The following KRT86 variants were observed in gnomAD, a reference collection of about 807,000 sequenced individuals.
KRT86 encodes keratin 86, also known as keratin, type II cuticular Hb6.
A neutral mutation model predicts 41.2 loss-of-function variants in KRT86; 30 were observed. That is an observed-to-expected ratio of 0.73 (90% CI 0.54 to 0.99). KRT86 has a LOEUF of 0.99. Among genes scored for constraint, KRT86 ranks in the 50% least tolerant of loss-of-function variants. The pLI, the probability that KRT86 is intolerant of heterozygous loss-of-function variation, is 0.00. For synonymous variants in KRT86, 238 were observed against 238.1 expected, an observed-to-expected ratio of 1.00 and a Z score of 0.00; for missense variants, 561 against 571.4, an observed-to-expected ratio of 0.98 and a Z score of 0.19.
At chr12:52,306,568 G>A (rs1295579223) in intron 9 of KRT86, 1 of 556,156 alleles carries the variant, frequency 1.8e-6, no homozygotes, top group Non-Finnish European at 3.2e-6. Flanking sequence ...GGGTCAGCTT[G>A]CCTGGGTAGT....
In KRT86 at chr12:52,297,758, A is replaced by G. The variant is rs199525171; in HGVS notation, c.-4-4155A>G. Among the ~76,000 whole-genome samples, 6 of 152,242 alleles carry G rather than the reference A, an allele frequency of 3.9e-5. No individual in the cohort carries two copies. In the East Asian group the frequency reaches 1.2e-3, roughly 29 times the overall value. ...AAAGCCTCCCTAAATGGAAGAGATA[A>G]TGCAAGCTCCTTTAGAAAGTAATGA... is the stretch of plus-strand genomic sequence containing the variant. On this transcript the variant is annotated intron_variant, in intron 2 of 10. Coordinates refer to ENST00000423955, the MANE Select transcript of KRT86 (RefSeq NM_001320198.2).
intron 2 of KRT86, among the ~76,000 whole-genome samples, chr12:52,280,370 A>T (rs886190494): frequency 2.6e-5 from 4 of 152,194 alleles, no homozygotes; most frequent in African/African-American, 9.7e-5. Flanking sequence ...ACCCAAGAGA[A>T]GCTTCTGTAC....
At chr12:52,292,114 T>C (rs1400783025) in intron 2 of KRT86, among the ~76,000 whole-genome samples, 1 of 152,210 alleles carries the variant, frequency 6.6e-6, no homozygotes, top group Non-Finnish European at 1.5e-5. Context: ...TCTTTTATCT[T>C]TTTTATGATG....
In KRT86 at chr12:52,288,350, T is replaced by G. The variant is rs201993882; in HGVS notation, c.-5+12404T>G. On this transcript the variant is annotated intron_variant, in intron 2 of 10. Coordinates refer to ENST00000423955, the MANE Select transcript of KRT86 (RefSeq NM_001320198.2). ...GGCTGCCAGGTTTCTGTCTGGCCCC[T>G]GAGCCCGCACCTCCTCATACAGCCG... 1,138 of 1,613,966 alleles carry G rather than the reference T, an allele frequency of 7.1e-4. 9 individuals are homozygous for G. In the African/African-American group the frequency reaches 0.014, roughly 20 times the overall value.
Position 52,305,701 on chromosome 12 carries a change from G to A in KRT86, c.939G>A (p.Glu313=). The A allele has an allele frequency of 1.2e-6, 2 of 1,614,118 alleles. No homozygotes were observed. The highest frequency in any genetic ancestry group is 1.7e-6 in the Non-Finnish European group (2 of 1,179,946). The change falls in exon 8 of 11, where the codon GAG becomes GAA. Residue 313 remains glutamate, a synonymous_variant. Transcript: ENST00000423955. ...EMKATVIRHG[E]TLRRTKEEIN... ...AGGCCACGGTGATCAGGCACGGGGA[G>A]ACCCTGCGCCGCACCAAGGAGGAGA...
At chr12:52,280,971 C>A (rs921355602) in intron 2 of KRT86, among the ~76,000 whole-genome samples, 10 of 152,328 alleles carry the variant, frequency 6.6e-5, no homozygotes, top group South Asian at 4.1e-4. Context: ...AAATACCGAA[C>A]CTGGACTTGC....
chr12:52,280,682 C>T (rs1592416142), intron 2 of KRT86, among the ~76,000 whole-genome samples: 1 of 152,208 alleles, frequency 6.6e-6, no homozygotes, highest in East Asian at 1.9e-4. Flanking sequence ...CCCCACTGGG[C>T]TCACACATCA....
intron 7 of KRT86, 59 bp downstream of exon 7, chr12:52,305,463 C>G: frequency 6.2e-7 from 1 of 1,613,216 alleles, no homozygotes; most frequent in Non-Finnish European, 8.5e-7. Context: ...TTGAGATTAT[C>G]TATTAAATAG....
chr12:52,294,755 G>A (rs1938210982), intron 2 of KRT86, among the ~76,000 whole-genome samples: 1 of 152,176 alleles, frequency 6.6e-6, no homozygotes, highest in African/African-American at 2.4e-5. Flanking sequence ...GGCCTAGGGT[G>A]ACTCCTCTCT....
chr12:52,286,474 G>A (rs774569348), intron 2 of KRT86: 25 of 1,552,240 alleles, frequency 1.6e-5, no homozygotes, highest in East Asian at 4.9e-5. Flanking sequence ...ACACGACCCC[G>A]CCCCGGGAGC....
chr12:52,305,879 A>T (rs1938502460), intron 8 of KRT86, 91 bp downstream of exon 8: 2 of 1,609,302 alleles, frequency 1.2e-6, no homozygotes, highest in Admixed American at 1.7e-5. Flanking sequence ...CTCAGCATTC[A>T]TTCTCCAGCC....
chr12:52,303,757 T>C (rs1441480534), intron 4 of KRT86, among the ~76,000 whole-genome samples: 1 of 143,664 alleles, frequency 7.0e-6, no homozygotes, highest in Admixed American at 7.1e-5. Flanking sequence ...GAGCTGGGAT[T>C]GATACCAGTG....
chr12:52,305,173 G>C (rs1938476397), intron 6 of KRT86, 67 bp from the exon 7 acceptor site: 1 of 1,612,364 alleles, frequency 6.2e-7, no homozygotes, highest in East Asian at 2.2e-5. Flanking sequence ...AGCCTGAGGA[G>C]GTGGAGTCAG....
chr12:52,295,461 C>T (rs1938227359), intron 2 of KRT86, among the ~76,000 whole-genome samples: 1 of 152,158 alleles, frequency 6.6e-6, no homozygotes, highest in Non-Finnish European at 1.5e-5. Context: ...CACCATCGGC[C>T]ATCAGTAATA....
chr12:52,291,415 G>C lies in KRT86; in HGVS notation c.-4-10498G>C, dbSNP rs763504601. 3.7e-6 allele frequency: 6 copies of C among 1,611,726 alleles called. No individual in the cohort carries two copies. In the African/African-American group the frequency reaches 5.3e-5, roughly 14 times the overall value. ...AGCAGCGGCCGGGCCGCGGCCCGCA[G>C]GCCGAGATGCAGCTGAAGGCGCGCC... On this transcript the variant is annotated intron_variant, in intron 2 of 10. Transcript: ENST00000423955.
chr12:52,306,125 C>T lies in KRT86; in HGVS notation c.1092C>T (p.Ala364=). ...EQQGEAALSD[A]RCKLAELEGA... is the part of the protein sequence containing the mutation. The stretch of plus-strand genomic sequence containing the variant: ...AGGGTGAGGCGGCCCTCAGCGATGC[C>T]CGCTGCAAGTTGGCCGAGCTGGAGG... Residue 364 remains alanine, a synonymous_variant, in exon 9 of 11, where the codon GCC becomes GCT. Coordinates refer to ENST00000423955, the MANE Select transcript of KRT86 (RefSeq NM_001320198.2). 1 of 1,614,036 alleles carries T rather than the reference C, an allele frequency of 6.2e-7. No individual in the cohort carries two copies. The highest frequency in any genetic ancestry group is 8.5e-7 in the Non-Finnish European group (1 of 1,180,048).
At chr12:52,278,713 G>T (rs1300749937) in intron 2 of KRT86, among the ~76,000 whole-genome samples, 1 of 152,110 alleles carries the variant, frequency 6.6e-6, no homozygotes, top group Non-Finnish European at 1.5e-5. Flanking sequence ...GGCATGGTCG[G>T]ATCTTATCTT....
intron 2 of KRT86, among the ~76,000 whole-genome samples, chr12:52,294,809 A>G (rs1257943755): frequency 6.6e-6 from 1 of 152,200 alleles, no homozygotes; most frequent in East Asian, 1.9e-4. Flanking sequence ...TTACAGTTTT[A>G]GAACCAATGC....
chr12:52,301,871 C>G (rs756381120), intron 2 of KRT86, 42 bp from the exon 3 acceptor site: 6 of 1,613,492 alleles, frequency 3.7e-6, no homozygotes, highest in Non-Finnish European at 5.1e-6. Flanking sequence ...GCTCTCCATT[C>G]GGACGTCTCC....
Sources: allele counts gnomAD v4.1 joint callset (sites outside exome capture counted in the v4.1 genomes callset), GRCh38; gene constraint gnomAD v4.1.1; transcripts MANE v1.5; gene names NCBI Gene and HGNC (gene_info 2026-07-23, HGNC 2026-07-21).